Variants in FER1L5 observed in about 807,000 individuals in gnomAD.
The protein encoded by FER1L5 is fer-1-like protein 5.
Under a neutral mutation model 279.9 loss-of-function variants are expected in FER1L5, and 187 were observed. The observed-to-expected ratio is 0.67, with a 90% CI of 0.59 to 0.75. FER1L5 has a LOEUF of 0.75. Ranked by LOEUF, FER1L5 falls within the 30% of genes least tolerant of loss-of-function variation. The pLI is 0.00. For missense variants in FER1L5, 2,091 were observed against 2,594.4 expected (o/e 0.81, Z 4.21); for synonymous variants, 921 against 989.7 (o/e 0.93, Z 1.30).
At chr2:96,648,443 G>A (rs1446529878) in intron 4 of FER1L5, among the ~76,000 whole-genome samples, 1 of 152,254 alleles carries the variant, frequency 6.6e-6, no homozygotes, top group Admixed American at 6.5e-5. Context: ...GGAAAGAAGG[G>A]AAGGCTGCAG....
chr2:96,648,390 CAG>C (rs1479905343), intron 4 of FER1L5, among the ~76,000 whole-genome samples: 6 of 152,202 alleles, frequency 3.9e-5, no homozygotes, highest in Admixed American at 6.5e-5. Context: ...TGTGTTTTGG[CAG>C]AGACTCAGAG....
chr2:96,691,493 T>C lies in FER1L5; in HGVS notation c.2956T>C (p.Ser986Pro), dbSNP rs749522506. 4.5e-6 allele frequency: 7 copies of C among 1,549,466 alleles called. No homozygotes were observed. The highest frequency in any genetic ancestry group is 2.0e-5 in the Admixed American group (1 of 50,584). ...GGGCTGGGAGTATGACACCTTCGGC[T>C]CCAAGTTCCACCTCAACCCTCAGCC... ...EEGWEYDTFG[S>P]KFHLNPQPQS... is the part of the protein sequence containing the mutation. Residue 986 changes from serine (S) to proline (P), a missense_variant, in exon 29 of 53, where the codon TCC (serine) becomes CCC (proline). Physicochemically the swap from Ser to Pro is moderately conservative, Grantham distance 74 (BLOSUM62 -1). Coordinates refer to ENST00000624922, the MANE Select transcript of FER1L5 (RefSeq NM_001293083.2). The surrounding 1 kb of genome is among the most constrained non-coding windows in gnomAD (Gnocchi z 6.0).
chr2:96,698,075 G>T lies in FER1L5; in HGVS notation c.4275G>T (p.Gln1425His). The T allele has an allele frequency of 6.3e-7, 1 of 1,588,598 alleles. No homozygotes were observed. The highest frequency in any genetic ancestry group is 1.2e-5 in the South Asian group (1 of 86,786). The change falls in exon 40 of 53, where the codon CAG becomes CAT. Residue 1425 changes from glutamine to histidine, a missense_variant. Transcript: ENST00000624922. This position sits in a 1 kb window ranked among gnomAD's most constrained non-coding sequence, Gnocchi z 5.5. ...ECELEAVPAF[Q>H]GLQDFCQTFK... ...AGCTGGAGGCCGTGCCAGCCTTCCA[G>T]GGCCTGCAGGACTTCTGCCAGACCT...
intron 19 of FER1L5, among the ~76,000 whole-genome samples, chr2:96,677,434 G>C (rs530479725): frequency 3.9e-5 from 6 of 152,260 alleles, no homozygotes; most frequent in African/African-American, 1.4e-4. Flanking sequence ...ATGTTTTCCA[G>C]GTTTATCCAT....
chr2:96,697,997 G>A (rs767228515), intron 39 of FER1L5, 40 bp from the exon 40 acceptor site: 5 of 1,539,286 alleles, frequency 3.2e-6, no homozygotes, highest in African/African-American at 1.4e-5. Context: ...CTAATCACGG[G>A]AACAGTCTCC....
chr2:96,659,295 T>C (rs940965662), intron 9 of FER1L5, among the ~76,000 whole-genome samples: 2 of 21,982 alleles, frequency 9.1e-5, no homozygotes, highest in South Asian at 4.6e-3. Flanking sequence ...CAAGCTTTCC[T>C]TCCTTCCTTC....
rs1475618533 is a variant in FER1L5 at position 96,661,379 on chromosome 2, G to A, written c.833G>A (p.Ser278Asn). ...LGLCQPNNPG[S>N]GVTGYLKVTI... ...CTCTGCCAGCCAAATAACCCTGGCA[G>A]TGGTGTGACAGGCTACCTGAAAGTC... The change falls in exon 11 of 53, where the codon AGT becomes AAT. Residue 278 changes from serine to asparagine, a missense_variant. Coordinates refer to ENST00000624922, the MANE Select transcript of FER1L5 (RefSeq NM_001293083.2). The A allele has an allele frequency of 1.3e-6, 2 of 1,551,552 alleles. No individual in the cohort carries two copies. Among genetic ancestry groups the A allele is most frequent in the South Asian group, 1.2e-5 (1 of 84,068 alleles).
intron 19 of FER1L5, among the ~76,000 whole-genome samples, chr2:96,676,620 A>G (rs1573881697): frequency 6.7e-6 from 1 of 149,400 alleles, no homozygotes; most frequent in Non-Finnish European, 1.5e-5. Flanking sequence ...CGTTTTCATC[A>G]GGTATTTTTT....
Position 96,689,363 on chromosome 2 carries a change from G to A in FER1L5, c.2512G>A (p.Glu838Lys), listed in dbSNP as rs1407179305. 1.3e-6 allele frequency: 2 copies of A among 1,549,818 alleles called. No homozygotes were observed. Among genetic ancestry groups the A allele is most frequent in the Non-Finnish European group, 1.7e-6 (2 of 1,146,580 alleles). Residue 838 changes from glutamate to lysine, a missense_variant, in exon 25 of 53, where the codon GAA becomes AAA. By Grantham distance (56) the Glu-to-Lys change is moderately conservative. Coordinates refer to ENST00000624922, the MANE Select transcript of FER1L5 (RefSeq NM_001293083.2). The surrounding 1 kb of genome is among the most constrained non-coding windows in gnomAD (Gnocchi z 4.6). ...GCACTGGCAGGACAGCTGGACAGTG[G>A]AACCTCAGAGAAGGTAAGGCCAGAG... ...GWHWQDSWTV[E>K]PQRRLLLDID...
At chr2:96,675,771 C>A (rs1398841572) in intron 19 of FER1L5, among the ~76,000 whole-genome samples, 1 of 152,052 alleles carries the variant, frequency 6.6e-6, no homozygotes, top group African/African-American at 2.4e-5. Context: ...CCATGTGGCC[C>A]AGGCTAGCAC....
intron 4 of FER1L5, 106 bp from the exon 5 acceptor site, chr2:96,649,517 C>A: frequency 9.6e-7 from 1 of 1,038,844 alleles, no homozygotes; most frequent in Non-Finnish European, 1.4e-6. Context: ...ATCACGGCCC[C>A]CACCAGGAGG....
rs550450589 is a variant in FER1L5 at position 96,664,190 on chromosome 2, G to GGGAA, written c.1140+697_1140+700dup. ...GGAGGGAAGGAGGGATGGAAGGGGAGGGAAGGAAGGAAGGAAGAAAGGAAA... is the reference window on the plus strand; with the variant it reads ...GGAGGGAAGGAGGGATGGAAGGGGAGGGAAGGAAGGAAGGAAGGAAGAAAGGAAA... On this transcript the variant is annotated intron_variant, in intron 14 of 52. Coordinates refer to ENST00000624922, the MANE Select transcript of FER1L5 (RefSeq NM_001293083.2). 2.0e-4 allele frequency among the ~76,000 whole-genome samples: 30 copies of GGGAA among 151,418 alleles called. No individual in the cohort carries two copies. The East Asian group carries it at 5.4e-3, about 27-fold the overall frequency.
At chr2:96,672,469 T>C (rs892271036) in intron 18 of FER1L5, among the ~76,000 whole-genome samples, 3 of 152,010 alleles carry the variant, frequency 2.0e-5, no homozygotes, top group African/African-American at 2.4e-5. Flanking sequence ...TTTTTTTCAA[T>C]AGGGGAAACC....
At chr2:96,643,767 C>G (rs1216945114) in intron 1 of FER1L5, among the ~76,000 whole-genome samples, 1 of 148,160 alleles carries the variant, frequency 6.7e-6, no homozygotes, top group Non-Finnish European at 1.5e-5. Context: ...AAAAGAATCC[C>G]AAGAAGGAAG....
intron 8 of FER1L5, chr2:96,654,150 C>A: frequency 3.2e-6 from 1 of 310,770 alleles, no homozygotes; most frequent in Non-Finnish European, 5.8e-6. Flanking sequence ...GAGGAAACAA[C>A]CAGGAGAGCA....
chr2:96,646,359 A>C (rs962577522), intron 1 of FER1L5, 42 bp from the exon 2 acceptor site: 3 of 1,549,940 alleles, frequency 1.9e-6, no homozygotes, highest in Non-Finnish European at 2.6e-6. Context: ...AGACGTTGAA[A>C]TATTTCCTAC....
intron 14 of FER1L5, 117 bp downstream of exon 14, chr2:96,663,624 G>A (rs1264470467): frequency 1.2e-5 from 13 of 1,103,938 alleles, no homozygotes; most frequent in African/African-American, 9.3e-5. Context: ...TGGCAAGGGG[G>A]ACTCTGCCTG....
At chr2:96,688,391 C>G (rs1355893739) in intron 24 of FER1L5, among the ~76,000 whole-genome samples, 1 of 152,160 alleles carries the variant, frequency 6.6e-6, no homozygotes, top group East Asian at 1.9e-4. Flanking sequence ...AGTGGGGTCC[C>G]AGGAGGTGAA....
intron 6 of FER1L5, among the ~76,000 whole-genome samples, chr2:96,651,259 CTT>C (rs1176969194): frequency 6.7e-6 from 1 of 148,744 alleles, no homozygotes; most frequent in African/African-American, 2.5e-5. Context: ...TTCTTTCTTT[CTT>C]TCTTTCTTTC....
Sources: allele counts gnomAD v4.1 joint callset (sites outside exome capture counted in the v4.1 genomes callset), GRCh38; gene constraint gnomAD v4.1.1; non-coding constraint Gnocchi (gnomAD v3.1); transcripts MANE v1.5; gene names NCBI Gene and HGNC (gene_info 2026-07-23, HGNC 2026-07-21).